The following KCNQ4 variants were observed in gnomAD, a reference collection of about 807,000 sequenced individuals.
The protein encoded by KCNQ4 is potassium voltage-gated channel subfamily KQT member 4.
Under a neutral mutation model 72.6 loss-of-function variants are expected in KCNQ4, and 31 were observed. That is an observed-to-expected ratio of 0.43 (90% CI 0.32 to 0.58). The LOEUF (loss-of-function observed/expected upper bound fraction) is 0.58. Among genes scored for constraint, KCNQ4 ranks in the 20% least tolerant of loss-of-function variants. KCNQ4 has a pLI of 0.08. For synonymous variants in KCNQ4, 405 were observed against 403.7 expected (o/e 1.00, Z -0.04); for missense variants, 869 against 962.6 (o/e 0.90, Z 1.29).
At position 40,835,151 on chromosome 1, in the gene KCNQ4, C is replaced by T. The variant is rs1483072684; in HGVS notation, c.1745+53C>T. 16 of 1,594,068 alleles carry T rather than the reference C, an allele frequency of 1.0e-5. No homozygotes were observed. The Admixed American group carries it at 1.0e-4, about 10-fold the overall frequency. On this transcript the variant is annotated intron_variant, in intron 12 of 13. Coordinates refer to ENST00000347132, the MANE Select transcript of KCNQ4 (RefSeq NM_004700.4). ...AGGGGCAGGGAGGCAGCGACCCCAG[C>T]CCTGAATGAAGTCTGAGGCCAACCC... is the stretch of plus-strand genomic sequence containing the variant.
rs1260591998 is a variant in KCNQ4, at chr1:40,839,136, G to C, written c.*613G>C. The stretch of plus-strand genomic sequence containing the variant: ...CCCCAGCAGTAGCTGGTCTCAGGCT[G>C]CTTGGCCACCACCCTGTCCCTATTC... On this transcript the variant is annotated 3_prime_UTR_variant, in exon 14 of 14. Coordinates refer to ENST00000347132, the MANE Select transcript of KCNQ4 (RefSeq NM_004700.4). The C allele has an allele frequency of 6.3e-6, 1 of 159,518 alleles. No individual in the cohort carries two copies. Among genetic ancestry groups the C allele is most frequent in the Non-Finnish European group, 1.4e-5 (1 of 72,116 alleles). The allele number at this position is 159,518 out of a possible 1,614,324, so 9.9% of individuals were successfully genotyped here.
chr1:40,815,783 TCC>T (rs1465112136), intron 1 of KCNQ4, among the ~76,000 whole-genome samples: 1 of 152,124 alleles, frequency 6.6e-6, no homozygotes, highest in Non-Finnish European at 1.5e-5. Context: ...TTGCATGTCT[TCC>T]TTCCATAGCC....
At chr1:40,824,738 G>C (rs188651549) in intron 9 of KCNQ4, among the ~76,000 whole-genome samples, 1 of 152,144 alleles carries the variant, frequency 6.6e-6, no homozygotes, top group Non-Finnish European at 1.5e-5. Context: ...TACTGAACTC[G>C]CCTCTTGGGA....
Position 40,831,070 on chromosome 1 carries a change from G to T in KCNQ4, c.1293-14G>T. 1 of 1,564,976 alleles carries T rather than the reference G, an allele frequency of 6.4e-7. No homozygotes were observed. The highest frequency in any genetic ancestry group is 8.7e-7 in the Non-Finnish European group (1 of 1,154,722). ...GGCTAACTTGGCTCTCTCCCAACCT[G>T]CCTGCCCTGCCAGCAGCCGGATGGG... On this transcript the variant is annotated splice_polypyrimidine_tract_variant and intron_variant, in intron 9 of 13. Transcript: ENST00000347132.
rs529347441 is a variant in KCNQ4 at position 40,801,807 on chromosome 1, G to T, written c.315-15458G>T. 3.5e-4 allele frequency among the ~76,000 whole-genome samples: 54 copies of T among 152,328 alleles called. No homozygotes were observed. In the East Asian group the frequency reaches 0.01, roughly 28 times the overall value. ...CCCCAGGGAGCACCTGTCTCTGTAAGAACAGCCTGGCCCTCGGGGCCAGGA... is the reference window on the plus strand; with the variant it reads ...CCCCAGGGAGCACCTGTCTCTGTAATAACAGCCTGGCCCTCGGGGCCAGGA... On this transcript the variant is annotated intron_variant, in intron 1 of 13. Coordinates refer to ENST00000347132, the MANE Select transcript of KCNQ4 (RefSeq NM_004700.4).
chr1:40,824,124 G>T lies in KCNQ4; in HGVS notation c.1158G>T (p.Val386=). 1.9e-6 allele frequency: 3 copies of T among 1,558,372 alleles called. No homozygotes were observed. The highest frequency in any genetic ancestry group is 2.6e-6 in the Non-Finnish European group (3 of 1,151,616). The part of the protein sequence containing the change: ...FRELALLFEH[V]QRARNGGLRP... ...AGCTGGCCCTCTTGTTTGAGCACGT[G>T]CAACGGGCCCGCAATGGGGGCCTAC... Residue 386 remains valine, a synonymous_variant, in exon 9 of 14, where the codon GTG becomes GTT. Transcript: ENST00000347132.
rs1017558067 is a variant in KCNQ4, at chr1:40,794,920, C to A, written c.314+10513C>A. On this transcript the variant is annotated intron_variant, in intron 1 of 13. Coordinates refer to ENST00000347132, the MANE Select transcript of KCNQ4 (RefSeq NM_004700.4). This position sits in a 1 kb window ranked among gnomAD's most constrained non-coding sequence, Gnocchi z 4.2. Reference sequence around the variant, plus strand: ...GGGGACAGAGGAGCCTCAGGTCCCGCACTTTGCAGTGAGGACCAACCCAAG... The same window carrying A: ...GGGGACAGAGGAGCCTCAGGTCCCGAACTTTGCAGTGAGGACCAACCCAAG... Among the ~76,000 whole-genome samples the A allele has an allele frequency of 1.5e-5, 2 of 134,882 alleles. No homozygotes were observed. The highest frequency in any genetic ancestry group is 8.7e-5 in the Admixed American group (1 of 11,558). 88.5% of individuals were successfully genotyped at this position (134,882 alleles called of 152,430 possible).
Position 40,784,318 on chromosome 1 carries a change from C to A in KCNQ4, c.225C>A (p.Ala75=), listed in dbSNP as rs1399883305. The part of the protein sequence containing the change: ...SGSACGQRSS[A]AHKRYRRLQN... ...CCGCCTGCGGCCAGCGCTCCTCGGC[C>A]GCGCACAAGCGCTACCGCCGCCTGC... Residue 75 remains alanine (A), a synonymous_variant, in exon 1 of 14, where the codon GCC becomes GCA. Coordinates refer to ENST00000347132, the MANE Select transcript of KCNQ4 (RefSeq NM_004700.4). The surrounding 1 kb of genome is among the most constrained non-coding windows in gnomAD (Gnocchi z 4.1). The A allele has an allele frequency of 6.2e-7, 1 of 1,606,666 alleles. No individual in the cohort carries two copies. The highest frequency in any genetic ancestry group is 2.2e-5 in the East Asian group (1 of 44,722).
chr1:40,817,429 G>A lies in KCNQ4; in HGVS notation c.405+74G>A, dbSNP rs1381503300. On this transcript the variant is annotated intron_variant, in intron 2 of 13. Coordinates refer to ENST00000347132, the MANE Select transcript of KCNQ4 (RefSeq NM_004700.4). The surrounding 1 kb of genome is among the most constrained non-coding windows in gnomAD (Gnocchi z 5.5). ...TCTGGGCTGGGAGTCCGGGACTGAGGGGGGCTGTGTGAGGTAGCACCTCTG... is the reference window on the plus strand; with the variant it reads ...TCTGGGCTGGGAGTCCGGGACTGAGAGGGGCTGTGTGAGGTAGCACCTCTG... 5 of 1,155,284 alleles carry A rather than the reference G, an allele frequency of 4.3e-6. No homozygotes were observed. Among genetic ancestry groups the A allele is most frequent in the Middle Eastern group, 2.2e-4 (1 of 4,634 alleles). 71.6% of individuals were successfully genotyped at this position (1,155,284 alleles called of 1,614,324 possible).
chr1:40,811,902 T>C (rs77297257), intron 1 of KCNQ4, among the ~76,000 whole-genome samples: 12 of 152,178 alleles, frequency 7.9e-5, no homozygotes, highest in African/African-American at 2.9e-4. Flanking sequence ...TATATTTGTA[T>C]AGATGGAGAA....
rs1238277679 is a variant in KCNQ4, at chr1:40,839,808, A to G, written c.*1285A>G. 1 of 152,242 alleles carries G rather than the reference A, an allele frequency of 6.6e-6. No individual in the cohort carries two copies. Among genetic ancestry groups the G allele is most frequent in the Non-Finnish European group, 1.5e-5 (1 of 68,108 alleles). The allele number at this position is 152,242 out of a possible 1,614,324, so 9.4% of individuals were successfully genotyped here. A position where few individuals can be genotyped will look rare whatever the true frequency, so the allele number is the denominator to read the frequency against. On this transcript the variant is annotated 3_prime_UTR_variant, in exon 14 of 14. Transcript: ENST00000347132. ...CTTCTAGCCAGGCCTGTGCCTTCCT[A>G]GTCACTCTAACTCCCAGAGAGAATA...
At chr1:40,814,084 G>T (rs1648012647) in intron 1 of KCNQ4, among the ~76,000 whole-genome samples, 1 of 84,948 alleles carries the variant, frequency 1.2e-5, no homozygotes, top group Admixed American at 1.8e-4. Flanking sequence ...ATGATGTCTT[G>T]CTCTTGTTGC....
intron 9 of KCNQ4, among the ~76,000 whole-genome samples, chr1:40,826,892 G>A (rs1002030600): frequency 6.6e-6 from 1 of 152,250 alleles, no homozygotes; most frequent in African/African-American, 2.4e-5. Flanking sequence ...GCCAGGAGGG[G>A]CACGTGCAGG....
intron 1 of KCNQ4, among the ~76,000 whole-genome samples, chr1:40,808,183 G>A (rs548335328): frequency 1.1e-4 from 16 of 152,096 alleles, no homozygotes; most frequent in African/African-American, 3.6e-4. Context: ...TGGGAGGGAC[G>A]CTGGAAAGAC....
chr1:40,833,854 A>T lies in KCNQ4; in HGVS notation c.1613+741A>T, dbSNP rs539772378. Among the ~76,000 whole-genome samples, 566 of 146,588 alleles carry T rather than the reference A, an allele frequency of 3.9e-3. 2 individuals are homozygous for T. The highest frequency in any genetic ancestry group is 0.013 in the African/African-American group (524 of 40,032). On this transcript the variant is annotated intron_variant, in intron 11 of 13. Transcript: ENST00000347132. ...TTTGCAAAAAAAAAAAAAAAAAATT[A>T]AAAAATTAGCCAGGCATGTTGGTGT... is the stretch of plus-strand genomic sequence containing the variant.
chr1:40,797,502 G>A (rs1292844225), intron 1 of KCNQ4, among the ~76,000 whole-genome samples: 4 of 152,150 alleles, frequency 2.6e-5, no homozygotes, highest in East Asian at 3.8e-4. Context: ...GGCCAGGCTC[G>A]GCAGTGAGGA....
At chr1:40,823,569 G>A (rs1183168335) in intron 8 of KCNQ4, among the ~76,000 whole-genome samples, 3 of 152,190 alleles carry the variant, frequency 2.0e-5, no homozygotes, top group African/African-American at 4.8e-5. Context: ...AGGAGAGAGG[G>A]AAGATACCCT....
chr1:40,789,859 G>A (rs1647246002), intron 1 of KCNQ4, among the ~76,000 whole-genome samples: 1 of 152,204 alleles, frequency 6.6e-6, no homozygotes, highest in Non-Finnish European at 1.5e-5. Context: ...TGGGAGCAGG[G>A]AAAAAGGAAG....
intron 1 of KCNQ4, among the ~76,000 whole-genome samples, chr1:40,807,642 C>T (rs970105508): frequency 6.6e-6 from 1 of 151,800 alleles, no homozygotes; most frequent in Non-Finnish European, 1.5e-5. Flanking sequence ...CTCCAGGCTG[C>T]CCCCCTTGTC....
Sources: gnomAD v4.1 joint callset for allele counts (sites outside exome capture counted in the v4.1 genomes callset) on GRCh38, gnomAD v4.1.1 for gene constraint, Gnocchi (gnomAD v3.1) non-coding constraint, MANE v1.5 for transcripts, NCBI Gene and HGNC (gene_info 2026-07-23, HGNC 2026-07-21) for gene names.